ZCCHC9: variants seen among roughly 807,000 people sequenced by gnomAD.
ZCCHC9 encodes the protein zinc finger CCHC-type containing 9.
In ZCCHC9, 18 loss-of-function variants were observed where a neutral mutation model predicts 30.8. That is an observed-to-expected ratio of 0.58 (90% confidence interval 0.40 to 0.87). The LOEUF (loss-of-function observed/expected upper bound fraction) is 0.87, where lower values mean the gene tolerates loss of function less well. Among genes scored for constraint, ZCCHC9 ranks in the 40% least tolerant of loss-of-function variants. The pLI is 0.00. For missense variants in ZCCHC9, 279 were observed against 331.2 expected (o/e 0.84, Z 1.22); for synonymous variants, 94 against 106.7 (o/e 0.88, Z 0.73).
intron 5 of ZCCHC9, among the ~76,000 whole-genome samples, chr5:81,312,289 A>G (rs1443466332): frequency 6.6e-6 from 1 of 152,236 alleles, no homozygotes; most frequent in East Asian, 1.9e-4. Context: ...AAAGAATGAA[A>G]GAGCTTTCTC....
At chr5:81,308,412 C>T (rs948542445) in intron 2 of ZCCHC9, 149 bp from the exon 3 acceptor site, 2 of 958,364 alleles carry the variant, frequency 2.1e-6, no homozygotes, top group South Asian at 2.2e-5. Context: ...TGTTTAGGAA[C>T]GTATGAAAGC....
chr5:81,311,331 GT>G, intron 5 of ZCCHC9, 52 bp downstream of exon 5: 1 of 1,550,926 alleles, frequency 6.4e-7, no homozygotes, highest in Non-Finnish European at 8.9e-7. Flanking sequence ...ATTCCTCTGC[GT>G]TTTATTCTGC....
chr5:81,303,832 T>TA (rs1215626353), intron 1 of ZCCHC9: 1 of 152,234 alleles, frequency 6.6e-6, no homozygotes, highest in Non-Finnish European at 1.5e-5. Context: ...ACCTAAATGT[T>TA]ATGTAGCATG....
intron 5 of ZCCHC9, 77 bp downstream of exon 5, chr5:81,311,356 A>G (rs958905731): frequency 1.7e-5 from 24 of 1,415,828 alleles, no homozygotes; most frequent in African/African-American, 5.7e-5. Context: ...TGTTATTAAT[A>G]ACTCAATTGG....
chr5:81,304,825 A>C lies in ZCCHC9; in HGVS notation c.68A>C (p.Asp23Ala). 1 of 1,613,952 alleles carries C rather than the reference A, an allele frequency of 6.2e-7. No individual in the cohort carries two copies. Among genetic ancestry groups the C allele is most frequent in the Non-Finnish European group, 8.5e-7 (1 of 1,179,984 alleles). ...CCCTTGCCTGCAACATCATGGGAGGACATGAAGAAGGGATCCTTTGAGGGA... is the reference window on the plus strand; with the variant it reads ...CCCTTGCCTGCAACATCATGGGAGGCCATGAAGAAGGGATCCTTTGAGGGA... ...KRPLPATSWE[D>A]MKKGSFEGTS... Residue 23 changes from aspartate to alanine, a missense_variant, in exon 2 of 6, where the codon GAC becomes GCC. Asp to Ala is a moderately radical substitution (Grantham distance 126, BLOSUM62 -2). Transcript: ENST00000407610.
Position 81,304,673 on chromosome 5 carries a change from G to A in ZCCHC9, c.-17-68G>A, listed in dbSNP as rs1433340460. The A allele has an allele frequency of 7.9e-6, 11 of 1,397,296 alleles. No individual in the cohort carries two copies. The Admixed American group carries it at 2.2e-4, about 28-fold the overall frequency. 86.6% of individuals were successfully genotyped at this position (1,397,296 alleles called of 1,614,324 possible). A position where few individuals can be genotyped will look rare whatever the true frequency, so the allele number is the denominator to read the frequency against. On this transcript the variant is annotated intron_variant, in intron 1 of 5. Transcript: ENST00000407610. The stretch of plus-strand genomic sequence containing the variant: ...TATGTGACATATAGTGATATAGCAT[G>A]TCTCTTTAGTTTTGTTGTTTTTGTT...
intron 2 of ZCCHC9, 100 bp downstream of exon 2, chr5:81,305,241 T>G: frequency 2.1e-6 from 3 of 1,449,110 alleles, no homozygotes; most frequent in Non-Finnish European, 2.8e-6. Context: ...GTTACCATTA[T>G]GTCCCAGATT....
chr5:81,307,233 ATTC>A (rs925445302), intron 2 of ZCCHC9, among the ~76,000 whole-genome samples: 16 of 152,350 alleles, frequency 1.1e-4, no homozygotes, highest in African/African-American at 3.6e-4. Context: ...CAGCAAAAAA[ATTC>A]TTCAAATTTC....
At chr5:81,306,438 A>G (rs1034912577) in intron 2 of ZCCHC9, among the ~76,000 whole-genome samples, 4 of 152,212 alleles carry the variant, frequency 2.6e-5, no homozygotes, top group Admixed American at 1.3e-4. Context: ...TGTGTAAGTT[A>G]ACGATTTTTA....
intron 3 of ZCCHC9, 106 bp from the exon 4 acceptor site, chr5:81,308,840 T>G: frequency 1.4e-6 from 2 of 1,384,004 alleles, no homozygotes; most frequent in South Asian, 3.1e-5. Flanking sequence ...AGATTAAATT[T>G]TAAGTTATGT....
chr5:81,308,022 A>AAAATCTATCTATCTATCT (rs34237879), intron 2 of ZCCHC9, among the ~76,000 whole-genome samples: 32 of 68,216 alleles, frequency 4.7e-4, no homozygotes, highest in Non-Finnish European at 5.9e-4. Flanking sequence ...AAAAAAAAAA[A>AAAATCTATCTATCTATCT]ATCTATCTAT....
intron 5 of ZCCHC9, 80 bp downstream of exon 5, chr5:81,311,359 T>A: frequency 1.5e-6 from 2 of 1,372,060 alleles, no homozygotes; most frequent in Non-Finnish European, 2.1e-6. Flanking sequence ...TATTAATAAC[T>A]CAATTGGGAT....
At chr5:81,304,573 T>A in intron 1 of ZCCHC9, 168 bp from the exon 2 acceptor site, 1 of 508,774 alleles carries the variant, frequency 2.0e-6, no homozygotes. Flanking sequence ...CAGCATATTA[T>A]AGCATTAAAT....
intron 2 of ZCCHC9, among the ~76,000 whole-genome samples, chr5:81,308,027 A>ATCTG (rs1169502724): frequency 0.025 from 3,406 of 138,310 alleles, 88 homozygotes; most frequent in Middle Eastern, 0.043. Flanking sequence ...AAAAAAATCT[A>ATCTG]TCTATCTATC....
chr5:81,304,810 C>T lies in ZCCHC9; in HGVS notation c.53C>T (p.Ala18Val). ...STTYNKRPLP[A>V]TSWEDMKKGS... ...ACATATAACAAGAGACCCTTGCCTG[C>T]AACATCATGGGAGGACATGAAGAAG... The change falls in exon 2 of 6, where the codon GCA (alanine) becomes GTA (valine). Residue 18 changes from alanine (A) to valine (V), a missense_variant. Physicochemically the swap from Ala to Val is moderately conservative, Grantham distance 64 (BLOSUM62 0). Coordinates refer to ENST00000407610, the MANE Select transcript of ZCCHC9 (RefSeq NM_001131035.2). The T allele has an allele frequency of 1.2e-6, 2 of 1,612,308 alleles. No homozygotes were observed. The highest frequency in any genetic ancestry group is 2.2e-5 in the South Asian group (2 of 90,582).
intron 4 of ZCCHC9, among the ~76,000 whole-genome samples, chr5:81,310,202 A>T (rs761205930): frequency 1.3e-4 from 19 of 150,818 alleles, no homozygotes; most frequent in Non-Finnish European, 2.7e-4. Flanking sequence ...AGGAGAGTAG[A>T]TCCCATAGAT....
At position 81,312,728 on chromosome 5, in the gene ZCCHC9, G is replaced by A; in HGVS notation, c.*66G>A. ...TTTCTAAACCAGGCCCGCTTCACGA[G>A]TTAGAGTTGAGCTCCCCTGTAGCCA... On this transcript the variant is annotated 3_prime_UTR_variant, in exon 6 of 6. Coordinates refer to ENST00000407610, the MANE Select transcript of ZCCHC9 (RefSeq NM_001131035.2). 1 of 1,222,926 alleles carries A rather than the reference G, an allele frequency of 8.2e-7. No individual in the cohort carries two copies. Among genetic ancestry groups the A allele is most frequent in the South Asian group, 1.3e-5 (1 of 77,072 alleles). The allele number at this position is 1,222,926 out of a possible 1,614,324, so 75.8% of individuals were successfully genotyped here.
In ZCCHC9 at chr5:81,311,280, G is replaced by A. The variant is rs1368512892; in HGVS notation, c.697+1G>A. The stretch of plus-strand genomic sequence containing the variant: ...GATTGCCCTGAAAGTCAGAATTCAG[G>A]TGAGATCTCTGGGCCTCTACTTAGA... On this transcript the variant is annotated splice_donor_variant, in intron 5 of 5. Coordinates refer to ENST00000407610, the MANE Select transcript of ZCCHC9 (RefSeq NM_001131035.2). LOFTEE classifies it high-confidence loss of function. 1 of 1,613,914 alleles carries A rather than the reference G, an allele frequency of 6.2e-7. No homozygotes were observed. The highest frequency in any genetic ancestry group is 8.5e-7 in the Non-Finnish European group (1 of 1,179,922).
intron 5 of ZCCHC9, among the ~76,000 whole-genome samples, chr5:81,311,990 C>T (rs984905772): frequency 6.6e-6 from 1 of 152,168 alleles, no homozygotes; most frequent in Non-Finnish European, 1.5e-5. Flanking sequence ...TAAGTCTGCT[C>T]ATTCTTACTT....
Sources: gnomAD v4.1 joint callset for allele counts (sites outside exome capture counted in the v4.1 genomes callset) on GRCh38, gnomAD v4.1.1 for gene constraint, MANE v1.5 for transcripts, NCBI Gene and HGNC (gene_info 2026-07-23, HGNC 2026-07-21) for gene names.